EEFSEC: variants seen among roughly 807,000 people sequenced by gnomAD.
The protein encoded by EEFSEC is eukaryotic elongation factor, selenocysteine-tRNA specific.
Under a neutral mutation model 42.1 loss-of-function variants are expected in EEFSEC, and 43 were observed. That is an observed-to-expected ratio of 1.02 (90% confidence interval 0.80 to 1.32). The LOEUF is 1.32. Among genes scored for constraint, EEFSEC ranks in the 40% most tolerant of loss-of-function variants. The pLI is 0.00. For missense variants in EEFSEC, 745 were observed against 803.6 expected (o/e 0.93, Z 0.88); for synonymous variants, 354 against 339.1 (o/e 1.04, Z -0.48).
At chr3:128,153,950 C>T in intron 1 of EEFSEC, 127 bp downstream of exon 1, 1 of 1,336,298 alleles carries the variant, frequency 7.5e-7, no homozygotes. Flanking sequence ...GGGCTCCTGA[C>T]GCCCCAAGAG....
At chr3:128,263,648 G>T (rs1321259886) in intron 3 of EEFSEC, among the ~76,000 whole-genome samples, 1 of 152,212 alleles carries the variant, frequency 6.6e-6, no homozygotes, top group Non-Finnish European at 1.5e-5. Context: ...TTTTCCAAAA[G>T]AATTGTTATC....
At chr3:128,285,282 G>A (rs528251811) in intron 4 of EEFSEC, among the ~76,000 whole-genome samples, 1 of 152,236 alleles carries the variant, frequency 6.6e-6, no homozygotes, top group Non-Finnish European at 1.5e-5. Flanking sequence ...TGCCTCTGGC[G>A]TGGGAGCTAT....
At chr3:128,417,367 C>T in the EEFSEC span, among the ~76,000 whole-genome samples, 1 of 152,106 alleles carries the variant, frequency 6.6e-6, no homozygotes, top group African/African-American at 2.4e-5. This position sits in a 1 kb window ranked among gnomAD's most constrained non-coding sequence, Gnocchi z 4.3. Context: ...TCCTGGATGT[C>T]CCAGGTACTC....
In EEFSEC at chr3:128,358,374, G is replaced by C. The variant is rs2067484077; in HGVS notation, c.1600+1G>C. The C allele has an allele frequency of 1.9e-6, 3 of 1,614,026 alleles. No homozygotes were observed. Among genetic ancestry groups the C allele is most frequent in the Non-Finnish European group, 2.5e-6 (3 of 1,179,966 alleles). ...GGCAAGTTCAAGATCCACATCCCAG[G>C]TAAGTGCAGCCACTTCCTCCCGGTT... is the stretch of plus-strand genomic sequence containing the variant. On this transcript the variant is annotated splice_donor_variant, in intron 6 of 6. Transcript: ENST00000254730. LOFTEE classifies it high-confidence loss of function.
intron 4 of EEFSEC, among the ~76,000 whole-genome samples, chr3:128,313,994 AC>A (rs2066917847): frequency 6.6e-6 from 1 of 152,042 alleles, no homozygotes; most frequent in Non-Finnish European, 1.5e-5. Flanking sequence ...CCAGTGTGCT[AC>A]CCCTTGCTTT....
At chr3:128,299,624 G>C (rs1576619420) in intron 4 of EEFSEC, among the ~76,000 whole-genome samples, 1 of 152,232 alleles carries the variant, frequency 6.6e-6, no homozygotes, top group East Asian at 1.9e-4. Context: ...GACACATGGG[G>C]AAGGCCTGGA....
chr3:128,208,741 A>G (rs1486106600), intron 1 of EEFSEC, among the ~76,000 whole-genome samples: 8 of 152,198 alleles, frequency 5.3e-5, no homozygotes. Context: ...TGTTAGAGTC[A>G]CAGCTCACCC....
intron 1 of EEFSEC, among the ~76,000 whole-genome samples, chr3:128,188,688 T>G (rs1404061404): frequency 6.6e-6 from 1 of 152,230 alleles, no homozygotes; most frequent in African/African-American, 2.4e-5. Context: ...ATATTTTGAC[T>G]GTACAAGCAA....
At chr3:128,251,097 A>G (rs1338677672) in intron 2 of EEFSEC, among the ~76,000 whole-genome samples, 2 of 151,938 alleles carry the variant, frequency 1.3e-5, no homozygotes, top group East Asian at 3.8e-4. Flanking sequence ...TGTACCCTGC[A>G]ACTTTGCTGA....
At chr3:128,417,518 C>T in the EEFSEC span, among the ~76,000 whole-genome samples, 4 of 152,156 alleles carry the variant, frequency 2.6e-5, no homozygotes, top group African/African-American at 9.7e-5. This position sits in a 1 kb window ranked among gnomAD's most constrained non-coding sequence, Gnocchi z 4.3. Flanking sequence ...TTCTTTCTAG[C>T]TGGGCTCTCC....
At chr3:128,344,646 T>C (rs748879892) in intron 5 of EEFSEC, among the ~76,000 whole-genome samples, 3 of 152,072 alleles carry the variant, frequency 2.0e-5, no homozygotes, top group Non-Finnish European at 4.4e-5. Flanking sequence ...GTCAAAAGAG[T>C]CTGCGTTCTC....
rs542062884 is a variant in EEFSEC, at chr3:128,231,126, A to G, written c.317-15710A>G. ...CTCCTCCCCCTCACTCATTTTAGTG[A>G]GCCCTCATTGTGGACTGGGCTCTGT... On this transcript the variant is annotated intron_variant, in intron 1 of 6. Transcript: ENST00000254730. 5.3e-5 allele frequency among the ~76,000 whole-genome samples: 8 copies of G among 151,080 alleles called. 1 individual carries two copies. In the South Asian group the frequency reaches 1.7e-3, roughly 32 times the overall value.
At chr3:128,239,729 C>G (rs911327130) in intron 1 of EEFSEC, among the ~76,000 whole-genome samples, 1 of 152,184 alleles carries the variant, frequency 6.6e-6, no homozygotes, top group African/African-American at 2.4e-5. Context: ...AACAGAAATG[C>G]AATTATTGTT....
intron 2 of EEFSEC, among the ~76,000 whole-genome samples, chr3:128,253,872 A>G (rs1469782662): frequency 6.6e-6 from 1 of 152,178 alleles, no homozygotes; most frequent in Non-Finnish European, 1.5e-5. Context: ...ATCGTGTCAC[A>G]CTGACCTTTG....
chr3:128,396,246 T>C (rs903266262), intron 6 of EEFSEC, among the ~76,000 whole-genome samples: 1 of 152,164 alleles, frequency 6.6e-6, no homozygotes, highest in Non-Finnish European at 1.5e-5. Flanking sequence ...CTGGCGGCGC[T>C]AGTGGAGAAG....
intron 5 of EEFSEC, among the ~76,000 whole-genome samples, chr3:128,345,987 C>T (rs2067308070): frequency 6.6e-6 from 1 of 152,050 alleles, no homozygotes; most frequent in South Asian, 2.1e-4. Context: ...ATAATAAGGT[C>T]TAGAAAGAAA....
intron 1 of EEFSEC, among the ~76,000 whole-genome samples, chr3:128,197,427 C>A (rs1361725417): frequency 6.6e-6 from 1 of 152,148 alleles, no homozygotes; most frequent in African/African-American, 2.4e-5. Context: ...CATGCCATCA[C>A]GCCCAGCTAA....
At chr3:128,421,454 G>A in the EEFSEC span, among the ~76,000 whole-genome samples, 19 of 151,706 alleles carry the variant, frequency 1.3e-4, no homozygotes, top group African/African-American at 3.7e-4. Flanking sequence ...CCCAAGAACC[G>A]GGATTTGGGC....
intron 1 of EEFSEC, among the ~76,000 whole-genome samples, chr3:128,246,457 G>A (rs1190306840): frequency 2.6e-5 from 4 of 152,180 alleles, no homozygotes; most frequent in Middle Eastern, 3.4e-3. Context: ...AGCCTAGTAC[G>A]AAACTTTTTT....
Sources: allele counts gnomAD v4.1 joint callset (sites outside exome capture counted in the v4.1 genomes callset), GRCh38; gene constraint gnomAD v4.1.1; non-coding constraint Gnocchi (gnomAD v3.1); transcripts MANE v1.5; gene names NCBI Gene and HGNC (gene_info 2026-07-23, HGNC 2026-07-21).